ANO3: variants seen among roughly 807,000 people sequenced by gnomAD.
The protein encoded by ANO3 is anoctamin-3.
In ANO3, 99 loss-of-function variants were observed where a neutral mutation model predicts 144.8. That is an observed-to-expected ratio of 0.68 (90% CI 0.58 to 0.81). The LOEUF is 0.81. Among genes scored for constraint, ANO3 ranks in the 30% least tolerant of loss-of-function variants. The pLI is 0.00. For missense variants in ANO3, 905 were observed against 1,202.2 expected (o/e 0.75, Z 3.66); for synonymous variants, 414 against 392.6 (o/e 1.05, Z -0.64).
At chr11:26,625,833 C>T (rs1167862798) in intron 18 of ANO3, among the ~76,000 whole-genome samples, 1 of 152,084 alleles carries the variant, frequency 6.6e-6, no homozygotes, top group Admixed American at 6.5e-5. Flanking sequence ...TTATATTTTT[C>T]TAGAATTTGG....
intron 12 of ANO3, among the ~76,000 whole-genome samples, chr11:26,551,166 A>G (rs1465558032): frequency 6.6e-6 from 1 of 151,952 alleles, no homozygotes; most frequent in Non-Finnish European, 1.5e-5. Context: ...AAGCATGAGA[A>G]CCCTCAAGTG....
At chr11:26,453,910 G>C (rs958710196) in intron 3 of ANO3, among the ~76,000 whole-genome samples, 8 of 152,058 alleles carry the variant, frequency 5.3e-5, no homozygotes, top group African/African-American at 1.4e-4. Context: ...CTAGAACTCA[G>C]GATTAAGAAA....
At chr11:26,228,578 G>A (rs1852306730) in intron 1 of ANO3, among the ~76,000 whole-genome samples, 1 of 152,142 alleles carries the variant, frequency 6.6e-6, no homozygotes, top group Non-Finnish European at 1.5e-5. Context: ...AGAGGGGAAG[G>A]AATTGAGATG....
chr11:26,604,487 T>A (rs1399599529), intron 17 of ANO3, among the ~76,000 whole-genome samples: 1 of 152,234 alleles, frequency 6.6e-6, no homozygotes, highest in Non-Finnish European at 1.5e-5. Flanking sequence ...GTATTGAATC[T>A]ATAAATTACT....
At chr11:26,438,778 CAAAAAAA>C (rs59906437) in intron 1 of ANO3, among the ~76,000 whole-genome samples, 1 of 108,858 alleles carries the variant, frequency 9.2e-6, no homozygotes, top group Non-Finnish European at 1.9e-5. Flanking sequence ...AACTCTGTCT[CAAAAAAA>C]AAAAAAAAAT....
At chr11:26,265,204 C>G (rs112593384) in intron 1 of ANO3, among the ~76,000 whole-genome samples, 4 of 152,264 alleles carry the variant, frequency 2.6e-5, no homozygotes, top group African/African-American at 9.6e-5. Flanking sequence ...TAGCATCATC[C>G]TCTGTACAAA....
intron 1 of ANO3, among the ~76,000 whole-genome samples, chr11:26,383,089 T>C (rs1856629886): frequency 6.6e-6 from 1 of 152,176 alleles, no homozygotes; most frequent in African/African-American, 2.4e-5. Context: ...GTATCCATGT[T>C]TTTCATAGTG....
chr11:26,553,216 T>G, intron 12 of ANO3, 33 bp from the exon 13 acceptor site: 3 of 1,227,684 alleles, frequency 2.4e-6, no homozygotes, highest in Non-Finnish European at 3.4e-6. Context: ...CATGCTATGT[T>G]TTGTTTTGTT....
At chr11:26,437,312 T>TA (rs1858331462) in intron 1 of ANO3, among the ~76,000 whole-genome samples, 1 of 152,194 alleles carries the variant, frequency 6.6e-6, no homozygotes, top group Non-Finnish European at 1.5e-5. Flanking sequence ...AGACTCCACA[T>TA]AGCTCTGCCT....
At position 26,435,121 on chromosome 11, in the gene ANO3, T is replaced by C. The variant is rs1232036402; in HGVS notation, c.47-6797T>C. ...CGCTCCTATTTTGGGTGCATAAATA[T>C]TTAGGATATTTAGGTCTTGTGGAAT... On this transcript the variant is annotated intron_variant, in intron 1 of 26. Transcript: ENST00000256737. Among the ~76,000 whole-genome samples the C allele has an allele frequency of 2.0e-5, 3 of 152,174 alleles. No individual in the cohort carries two copies. The East Asian group carries it at 5.8e-4, about 29-fold the overall frequency.
Position 26,586,503 on chromosome 11 carries a change from C to CTTTTTTTTTTTTT in ANO3, c.1448-11856_1448-11844dup, listed in dbSNP as rs550057766. Reference sequence around the variant, plus strand: ...AAGAAGGGGCTTCCCTGGTGAGAATCTTTTTTTTTTTTTTTTTTGAGACAT... The same window carrying CTTTTTTTTTTTTT: ...AAGAAGGGGCTTCCCTGGTGAGAATCTTTTTTTTTTTTTTTTTTTTTTTTTTTTTTTGAGACAT... On this transcript the variant is annotated intron_variant, in intron 14 of 26. Coordinates refer to ENST00000256737, the MANE Select transcript of ANO3 (RefSeq NM_031418.4). 1.4e-3 allele frequency among the ~76,000 whole-genome samples: 113 copies of CTTTTTTTTTTTTT among 81,444 alleles called. 25 individuals are homozygous for CTTTTTTTTTTTTT. Among genetic ancestry groups the CTTTTTTTTTTTTT allele is most frequent in the Non-Finnish European group, 2.1e-3 (95 of 45,284 alleles). The allele number at this position is 81,444 out of a possible 152,430, so 53.4% of individuals were successfully genotyped here.
chr11:26,526,822 GA>G lies in ANO3; in HGVS notation c.737+1145del, dbSNP rs557621281. Reference sequence around the variant, plus strand: ...TGTCAGGTTAACATATTTTAATTTGGAATGAGCTCTCATTTCCCATGTGGGT... The same window carrying G: ...TGTCAGGTTAACATATTTTAATTTGGATGAGCTCTCATTTCCCATGTGGGT... On this transcript the variant is annotated intron_variant, in intron 7 of 26. Transcript: ENST00000256737. Among the ~76,000 whole-genome samples the G allele has an allele frequency of 1.1e-4, 17 of 152,130 alleles. No homozygotes were observed. In the South Asian group the frequency reaches 3.3e-3, roughly 30 times the overall value.
intron 1 of ANO3, among the ~76,000 whole-genome samples, chr11:26,205,041 G>A (rs1851770468): frequency 6.6e-6 from 1 of 152,004 alleles, no homozygotes; most frequent in Non-Finnish European, 1.5e-5. Context: ...CTCACAAGGT[G>A]GTAAAAGAAG....
intron 3 of ANO3, among the ~76,000 whole-genome samples, chr11:26,451,021 C>T (rs1858910811): frequency 6.6e-6 from 1 of 152,148 alleles, no homozygotes; most frequent in Non-Finnish European, 1.5e-5. Flanking sequence ...ATTTATAAGA[C>T]AGTGCATTCC....
chr11:26,221,300 G>C (rs963289984), intron 1 of ANO3, among the ~76,000 whole-genome samples: 2 of 152,180 alleles, frequency 1.3e-5, no homozygotes, highest in African/African-American at 4.8e-5. Context: ...AGTAATTCAG[G>C]GCTTGGGTTC....
At chr11:26,328,514 C>G (rs143518617), upstream of ANO3, among the ~76,000 whole-genome samples, 41 of 152,254 alleles carry the variant, frequency 2.7e-4, 1 homozygote, top group East Asian at 6.2e-3. Flanking sequence ...GAGCACAATA[C>G]AGAGAAACTC....
chr11:26,643,184 T>G lies in ANO3; in HGVS notation c.2278T>G (p.Leu760Val). 6.2e-7 allele frequency: 1 copy of G among 1,613,822 alleles called. No homozygotes were observed. Among genetic ancestry groups the G allele is most frequent in the Non-Finnish European group, 8.5e-7 (1 of 1,179,936 alleles). Reference protein sequence around the residue: ...GLMDEYLEMVLQFGFTTIFVA... With the variant: ...GLMDEYLEMVVQFGFTTIFVA... Reference sequence around the variant, plus strand: ...TTCCTAATGCTCTTCTTTTGCAGTTTTGCAATTTGGTTTTACCACCATCTT... The same window carrying G: ...TTCCTAATGCTCTTCTTTTGCAGTTGTGCAATTTGGTTTTACCACCATCTT... Residue 760 changes from leucine to valine, a missense_variant and splice_region_variant, in exon 23 of 27, where the codon TTG (leucine) becomes GTG (valine). Leu to Val is a conservative substitution (Grantham distance 32). Coordinates refer to ENST00000256737, the MANE Select transcript of ANO3 (RefSeq NM_031418.4).
At chr11:26,327,515 G>T (rs1854915355), upstream of ANO3, among the ~76,000 whole-genome samples, 2 of 152,088 alleles carry the variant, frequency 1.3e-5, no homozygotes, top group Non-Finnish European at 2.9e-5. Flanking sequence ...GAAAACAGCA[G>T]CAGCAGCAGC....
chr11:26,559,835 T>TACACACAC (rs71047866), intron 14 of ANO3, 56 bp downstream of exon 14: 139 of 661,908 alleles, frequency 2.1e-4, no homozygotes, highest in African/African-American at 9.9e-4. Context: ...GTTTCTGTGT[T>TACACACAC]ACACACACAC....
Sources: allele counts gnomAD v4.1 joint callset (sites outside exome capture counted in the v4.1 genomes callset), GRCh38; gene constraint gnomAD v4.1.1; transcripts MANE v1.5; gene names NCBI Gene and HGNC (gene_info 2026-07-23, HGNC 2026-07-21).